Variants in CFAP54 observed in about 807,000 individuals in gnomAD.
The protein encoded by CFAP54 is cilia- and flagella-associated protein 54.
Under a neutral mutation model 370.4 loss-of-function variants are expected in CFAP54, and 290 were observed. The observed-to-expected ratio is 0.78, with a 90% CI of 0.71 to 0.86. The LOEUF is 0.86. CFAP54 is among the 40% of genes least tolerant of loss of function. The probability of loss-of-function intolerance (pLI) is 0.00; values close to 1 mark genes in which losing one functional copy is unlikely to be tolerated. For synonymous variants in CFAP54, 1,206 were observed against 1,236.5 expected (o/e 0.98, Z 0.52); for missense variants, 3,399 against 3,528.7 (o/e 0.96, Z 0.93).
In CFAP54 at chr12:96,720,287, C is replaced by G. The variant is rs921395057; in HGVS notation, c.6805-118C>G. Reference sequence around the variant, plus strand: ...TCTCTGGTAATTAGATACCAAGTTCCTTTTTGGTCTTCCATTCATTGTTAC... The same window carrying G: ...TCTCTGGTAATTAGATACCAAGTTCGTTTTTGGTCTTCCATTCATTGTTAC... On this transcript the variant is annotated intron_variant, in intron 49 of 67. Coordinates refer to ENST00000524981, the MANE Select transcript of CFAP54 (RefSeq NM_001306084.2). The G allele has an allele frequency of 1.2e-5, 11 of 899,756 alleles. No individual in the cohort carries two copies. The African/African-American group carries it at 1.9e-4, about 16-fold the overall frequency. 55.7% of individuals were successfully genotyped at this position (899,756 alleles called of 1,614,324 possible). A position where few individuals can be genotyped will look rare whatever the true frequency, so the allele number is the denominator to read the frequency against.
Position 96,580,984 on chromosome 12 carries a change from T to C in CFAP54, c.2954T>C (p.Phe985Ser). The change falls in exon 22 of 68, where the codon TTT (phenylalanine) becomes TCT (serine). Residue 985 changes from phenylalanine (F) to serine (S), a missense_variant. This residue lies in a region of CFAP54 where 2,796 missense variants were observed against 2,869.7 expected (regional missense o/e 0.97). Transcript: ENST00000524981. ...KGLETNEKYV[F>S]AVAAYSNNGK... ...TTAGAAACCAATGAAAAGTATGTAT[T>C]TGCAGTTGCTGCCTATTCTAACAAC... The C allele has an allele frequency of 6.5e-7, 1 of 1,534,476 alleles. No homozygotes were observed.
In CFAP54 at chr12:96,743,742, T is replaced by A. The variant is rs1424978804; in HGVS notation, c.7389T>A (p.His2463Gln). 2 of 1,604,348 alleles carry A rather than the reference T, an allele frequency of 1.2e-6. No homozygotes were observed. The highest frequency in any genetic ancestry group is 2.2e-5 in the East Asian group (1 of 44,804). ...DIMTNLQDII[H>Q]LLEGNEFISP... is the part of the protein sequence containing the mutation. ...TTTTATTTTAATAGGATATAATACA[T>A]TTGCTGGAAGGAAATGAATTTATTT... The change falls in exon 54 of 68, where the codon CAT becomes CAA. Residue 2463 changes from histidine to glutamine, a missense_variant. Coordinates refer to ENST00000524981, the MANE Select transcript of CFAP54 (RefSeq NM_001306084.2).
intron 2 of CFAP54, among the ~76,000 whole-genome samples, chr12:96,503,082 C>CTCTT (rs781188452): frequency 2.3e-5 from 3 of 128,452 alleles, no homozygotes; most frequent in Non-Finnish European, 3.2e-5. Flanking sequence ...TTCTTTCTTT[C>CTCTT]TCTTTCTTTC....
At chr12:96,818,997 A>G (rs146308659) in intron 65 of CFAP54, among the ~76,000 whole-genome samples, 50 of 152,324 alleles carry the variant, frequency 3.3e-4, no homozygotes, top group African/African-American at 1.2e-3. Flanking sequence ...TTCTGTACTT[A>G]TTGTAGCTGT....
At chr12:96,676,000 G>T (rs899247715) in intron 39 of CFAP54, among the ~76,000 whole-genome samples, 1 of 151,984 alleles carries the variant, frequency 6.6e-6, no homozygotes, top group Admixed American at 6.6e-5. Flanking sequence ...TGACGAGTTA[G>T]TGGGTGCAGC....
In CFAP54 at chr12:96,684,696, A is replaced by G. The variant is rs373471132; in HGVS notation, c.5765A>G (p.His1922Arg). 2 of 1,613,494 alleles carry G rather than the reference A, an allele frequency of 1.2e-6. No homozygotes were observed. Among genetic ancestry groups the G allele is most frequent in the Non-Finnish European group, 8.5e-7 (1 of 1,179,810 alleles). The stretch of plus-strand genomic sequence containing the variant: ...AGAAGTCTTAAAGTTCAGGCGTTGC[A>G]TTCACTTGGAAGTCTTCTCATCTTC... ...NQRSLKVQALHSLGSLLIFAE... is the reference protein window; with the variant it reads ...NQRSLKVQALRSLGSLLIFAE... The change falls in exon 41 of 68, where the codon CAT becomes CGT. Residue 1922 changes from histidine (H) to arginine (R), a missense_variant. Physicochemically the swap from His to Arg is conservative, Grantham distance 29 (BLOSUM62 0). Coordinates refer to ENST00000524981, the MANE Select transcript of CFAP54 (RefSeq NM_001306084.2).
At chr12:96,687,346 C>T (rs1957340797) in intron 42 of CFAP54, among the ~76,000 whole-genome samples, 1 of 152,174 alleles carries the variant, frequency 6.6e-6, no homozygotes, top group African/African-American at 2.4e-5. Context: ...ATTTAGCCTA[C>T]CACACATAAC....
chr12:96,681,819 A>G (rs975408552), intron 40 of CFAP54, among the ~76,000 whole-genome samples: 4 of 151,920 alleles, frequency 2.6e-5, no homozygotes, highest in Non-Finnish European at 5.9e-5. Context: ...GGCTGATCTC[A>G]AACTCCTGAC....
At chr12:96,621,351 T>G (rs1191712566) in intron 26 of CFAP54, among the ~76,000 whole-genome samples, 1 of 152,178 alleles carries the variant, frequency 6.6e-6, no homozygotes, top group Non-Finnish European at 1.5e-5. Context: ...TATGGGAAGT[T>G]TGTTATTGAT....
intron 50 of CFAP54, among the ~76,000 whole-genome samples, chr12:96,730,245 T>A (rs1012137801): frequency 1.3e-5 from 2 of 152,102 alleles, no homozygotes; most frequent in Non-Finnish European, 2.9e-5. Context: ...TTTAAAAAGG[T>A]CCTGACATCA....
intron 65 of CFAP54, among the ~76,000 whole-genome samples, chr12:96,825,476 A>C (rs1160892950): frequency 2.6e-5 from 3 of 117,280 alleles, no homozygotes; most frequent in Admixed American, 2.1e-4. Context: ...TATTATATAT[A>C]TTATATAACA....
rs1956596069 is a variant in CFAP54, at chr12:96,630,542, T to C, written c.4216-9T>C. 1 of 1,342,860 alleles carries C rather than the reference T, an allele frequency of 7.4e-7. No individual in the cohort carries two copies. The highest frequency in any genetic ancestry group is 1.5e-5 in the African/African-American group (1 of 66,618). The allele number at this position is 1,342,860 out of a possible 1,614,324, so 83.2% of individuals were successfully genotyped here. A position where few individuals can be genotyped will look rare whatever the true frequency, so the allele number is the denominator to read the frequency against. The stretch of plus-strand genomic sequence containing the variant: ...ATTTAACTTGTAACATTTTATCTCC[T>C]CTATTAAGAGTGCAGAAATGCAACA... On this transcript the variant is annotated splice_polypyrimidine_tract_variant and intron_variant, in intron 31 of 67. Coordinates refer to ENST00000524981, the MANE Select transcript of CFAP54 (RefSeq NM_001306084.2).
At chr12:96,570,801 C>G (rs879808528) in intron 19 of CFAP54, among the ~76,000 whole-genome samples, 1 of 152,152 alleles carries the variant, frequency 6.6e-6, no homozygotes, top group Non-Finnish European at 1.5e-5. Flanking sequence ...ATTATTATTT[C>G]TCTTTCACTT....
intron 63 of CFAP54, among the ~76,000 whole-genome samples, chr12:96,800,838 A>G (rs1363503607): frequency 1.3e-5 from 2 of 152,190 alleles, no homozygotes; most frequent in African/African-American, 4.8e-5. Context: ...CCTTTTACAA[A>G]AAAGGAAGTG....
rs775453965 is a variant in CFAP54 at position 96,658,279 on chromosome 12, A to G, written c.5393A>G (p.Gln1798Arg). 3 of 1,614,204 alleles carry G rather than the reference A, an allele frequency of 1.9e-6. No individual in the cohort carries two copies. Among genetic ancestry groups the G allele is most frequent in the Non-Finnish European group, 2.5e-6 (3 of 1,180,008 alleles). Residue 1798 changes from glutamine to arginine, a missense_variant, in exon 38 of 68, where the codon CAG becomes CGG. By Grantham distance (43) the Gln-to-Arg change is conservative (BLOSUM62 1). Transcript: ENST00000524981. ...YAQRQLLLRI[Q>R]KFKGPDITQQ... is the part of the protein sequence containing the mutation. ...CAGCGCCAGCTTCTGCTGAGAATAC[A>G]GAAGTTCAAGGGCCCAGATATTACC...
chr12:96,660,190 A>G (rs1447027024), intron 38 of CFAP54, among the ~76,000 whole-genome samples: 1 of 152,208 alleles, frequency 6.6e-6, no homozygotes, highest in Non-Finnish European at 1.5e-5. Flanking sequence ...AGAACATTGT[A>G]GCCCAAGAGA....
intron 20 of CFAP54, among the ~76,000 whole-genome samples, chr12:96,579,125 G>C (rs1441415223): frequency 6.6e-6 from 1 of 151,518 alleles, no homozygotes; most frequent in Non-Finnish European, 1.5e-5. Flanking sequence ...TTGAAAAATA[G>C]TATCTTTTTG....
chr12:96,654,575 G>A (rs2136508243), intron 36 of CFAP54, among the ~76,000 whole-genome samples: 1 of 152,168 alleles, frequency 6.6e-6, no homozygotes, highest in East Asian at 1.9e-4. Flanking sequence ...ATCAAGCCAG[G>A]GTATTCAGGG....
intron 64 of CFAP54, among the ~76,000 whole-genome samples, chr12:96,813,098 C>T (rs1459970630): frequency 6.6e-6 from 1 of 152,162 alleles, no homozygotes; most frequent in African/African-American, 2.4e-5. Context: ...GTAGATTTTT[C>T]CAGCCCCATA....
Sources: gnomAD v4.1 joint callset for allele counts (sites outside exome capture counted in the v4.1 genomes callset) on GRCh38, gnomAD v4.1.1 for gene constraint, gnomAD v4.1.1 regional missense constraint, MANE v1.5 for transcripts, NCBI Gene and HGNC (gene_info 2026-07-23, HGNC 2026-07-21) for gene names.